SMARCA2: variants seen among roughly 807,000 people sequenced by gnomAD.
SMARCA2 encodes the protein SWI/SNF related BAF chromatin remodeling complex subunit ATPase 2.
Under a neutral mutation model 199.8 loss-of-function variants are expected in SMARCA2, and 61 were observed. The ratio of observed to expected loss-of-function variants is 0.31; its 90% CI spans 0.25 to 0.38. The LOEUF (loss-of-function observed/expected upper bound fraction) is 0.38, where lower values mean the gene tolerates loss of function less well. Ranked by LOEUF, SMARCA2 falls within the 10% of genes least tolerant of loss-of-function variation. The pLI is 1.00. For synonymous variants in SMARCA2, 935 were observed against 732.0 expected (o/e 1.28, Z -4.48); for missense variants, 1,344 against 2,012.2 (o/e 0.67, Z 6.35).
At chr9:2,141,125 T>G (rs892817375) in intron 27 of SMARCA2, among the ~76,000 whole-genome samples, 2 of 151,472 alleles carry the variant, frequency 1.3e-5, no homozygotes, top group African/African-American at 4.9e-5. Flanking sequence ...AGAGAATTCT[T>G]AATCCAAATT....
chr9:2,190,369 A>G (rs1827791326), intron 32 of SMARCA2, among the ~76,000 whole-genome samples: 1 of 152,236 alleles, frequency 6.6e-6, no homozygotes, highest in Non-Finnish European at 1.5e-5. Flanking sequence ...TTCAGCCCTC[A>G]TCATATGAGA....
chr9:2,029,291 G>T, intron 2 of SMARCA2, 44 bp downstream of exon 2: 1 of 1,570,512 alleles, frequency 6.4e-7, no homozygotes, highest in Non-Finnish European at 8.7e-7. Context: ...CTGATAAGTG[G>T]ATGGCTAATA....
intron 29 of SMARCA2, among the ~76,000 whole-genome samples, chr9:2,179,687 AAG>A (rs2129851004): frequency 1.3e-5 from 2 of 152,316 alleles, no homozygotes; most frequent in South Asian, 4.1e-4. Context: ...AGTTAAAATT[AAG>A]AGTGTGTCCA....
chr9:2,179,368 C>A (rs1166206872), intron 29 of SMARCA2, among the ~76,000 whole-genome samples: 1 of 152,158 alleles, frequency 6.6e-6, no homozygotes, highest in Non-Finnish European at 1.5e-5. Context: ...TTGCCTTTGT[C>A]CTTTATTCTT....
intron 22 of SMARCA2, among the ~76,000 whole-genome samples, chr9:2,102,598 A>G (rs1822569725): frequency 6.6e-6 from 1 of 152,202 alleles, no homozygotes. Context: ...TCCTGTTGAT[A>G]AAAGAAAAAA....
intron 22 of SMARCA2, among the ~76,000 whole-genome samples, chr9:2,102,782 A>T (rs545033403): frequency 6.6e-6 from 1 of 152,162 alleles, no homozygotes; most frequent in African/African-American, 2.4e-5. Flanking sequence ...ATAAAAAGGT[A>T]CGCCAGACCT....
chr9:2,048,005 C>G (rs1819949530), intron 5 of SMARCA2: 1 of 152,156 alleles, frequency 6.6e-6, no homozygotes, highest in South Asian at 2.1e-4. Context: ...TTAGCAGAAT[C>G]AGGGGTTTTG....
intron 29 of SMARCA2, among the ~76,000 whole-genome samples, chr9:2,173,927 G>A (rs758455087): frequency 5.9e-5 from 9 of 152,100 alleles, no homozygotes; most frequent in African/African-American, 2.2e-4. Context: ...GAATCTGCTC[G>A]GAGATGTGGA....
chr9:2,174,924 C>CAAAAAAAAAAAA (rs61327057), intron 29 of SMARCA2, among the ~76,000 whole-genome samples: 29 of 62,302 alleles, frequency 4.7e-4, no homozygotes, highest in African/African-American at 1.4e-3. Flanking sequence ...GACCCTCTCT[C>CAAAAAAAAAAAA]AAAAAAAAAA....
intron 27 of SMARCA2, among the ~76,000 whole-genome samples, chr9:2,135,878 G>T (rs1436231748): frequency 1.3e-5 from 2 of 151,380 alleles, no homozygotes; most frequent in Admixed American, 6.6e-5. Context: ...GTTTTGCTCT[G>T]TCGCCCAGGT....
At chr9:2,042,385 T>C (rs1391224515) in intron 4 of SMARCA2, 3 of 152,344 alleles carry the variant, frequency 2.0e-5, no homozygotes, top group Non-Finnish European at 4.4e-5. Flanking sequence ...GGATATCATC[T>C]TGTCACAGAC....
intron 29 of SMARCA2, 143 bp from the exon 30 acceptor site, chr9:2,181,428 G>T: frequency 1.6e-6 from 1 of 606,184 alleles, no homozygotes. Context: ...ATAGAGTTGT[G>T]GGATTTTTCC....
At chr9:2,029,328 A>G in intron 2 of SMARCA2, 81 bp downstream of exon 2, 2 of 1,523,312 alleles carry the variant, frequency 1.3e-6, no homozygotes, top group Non-Finnish European at 1.8e-6. Flanking sequence ...CCCCCTTTCT[A>G]CTGTTGTTAA....
chr9:2,069,361 C>T (rs927030057), intron 9 of SMARCA2, among the ~76,000 whole-genome samples: 16 of 151,276 alleles, frequency 1.1e-4, no homozygotes, highest in Non-Finnish European at 1.9e-4. Context: ...TTGAGACCAT[C>T]GTGGCTAACA....
intron 32 of SMARCA2, among the ~76,000 whole-genome samples, chr9:2,186,980 T>C (rs1461287676): frequency 6.6e-6 from 1 of 152,216 alleles, no homozygotes; most frequent in Non-Finnish European, 1.5e-5. Context: ...CAGTAGCCTG[T>C]TGTGGGGCCT....
chr9:2,062,722 C>T (rs999350709), intron 9 of SMARCA2, among the ~76,000 whole-genome samples: 5 of 152,018 alleles, frequency 3.3e-5, no homozygotes, highest in African/African-American at 9.7e-5. Flanking sequence ...TGAGCTAGGT[C>T]GTGTGCTAGA....
At chr9:2,045,090 C>G (rs1036734826) in intron 4 of SMARCA2, 5 of 152,120 alleles carry the variant, frequency 3.3e-5, no homozygotes, top group African/African-American at 1.2e-4. Context: ...GAAGACAGTG[C>G]CAGTACAAGT....
intron 9 of SMARCA2, among the ~76,000 whole-genome samples, chr9:2,065,145 A>G (rs1179444902): frequency 6.6e-6 from 1 of 152,114 alleles, no homozygotes; most frequent in Non-Finnish European, 1.5e-5. Context: ...AGACGGCGCC[A>G]CTGCACTCCA....
chr9:2,100,554 T>C (rs1490055632), intron 21 of SMARCA2, among the ~76,000 whole-genome samples: 1 of 151,914 alleles, frequency 6.6e-6, no homozygotes, highest in Non-Finnish European at 1.5e-5. Context: ...ATACAGAAAA[T>C]TAGCCAGGCA....
Sources: gnomAD v4.1 joint callset for allele counts (sites outside exome capture counted in the v4.1 genomes callset) on GRCh38, gnomAD v4.1.1 for gene constraint, MANE v1.5 for transcripts, NCBI Gene and HGNC (gene_info 2026-07-23, HGNC 2026-07-21) for gene names.